Variants in PLA2G5 observed in about 807,000 individuals in gnomAD.
PLA2G5 encodes the protein Ca2+-dependent phospholipase A2.
In PLA2G5, 12 loss-of-function variants were observed where a neutral mutation model predicts 15.9. The observed-to-expected ratio is 0.76, with a 90% confidence interval of 0.48 to 1.23. The LOEUF is 1.23. Ranked by LOEUF, PLA2G5 falls within the 50% of genes most tolerant of loss-of-function variation. The probability of loss-of-function intolerance (pLI) is 0.00; values close to 1 mark genes in which losing one functional copy is unlikely to be tolerated. For synonymous variants in PLA2G5, 71 were observed against 71.4 expected, an observed-to-expected ratio of 0.99 and a Z score of 0.03; for missense variants, 169 against 177.1, an observed-to-expected ratio of 0.95 and a Z score of 0.26.
Position 20,084,816 on chromosome 1 carries a change from T to C in PLA2G5, c.-10-5T>C, listed in dbSNP as rs768722295. The C allele has an allele frequency of 8.7e-6, 14 of 1,603,438 alleles. No homozygotes were observed. The highest frequency in any genetic ancestry group is 2.2e-5 in the South Asian group (2 of 90,822). On this transcript the variant is annotated splice_region_variant and splice_polypyrimidine_tract_variant and intron_variant, in intron 1 of 4. Transcript: ENST00000375108. ...ATCTGTTGTGGGATGTGTTTTTTTT[T>C]CCAGAACCCCAGAGATGAAAGGCCT...
intron 1 of PLA2G5, among the ~76,000 whole-genome samples, chr1:20,074,909 C>T (rs1489079408): frequency 6.6e-6 from 1 of 152,220 alleles, no homozygotes; most frequent in East Asian, 1.9e-4. Context: ...CCCAAGTCAG[C>T]CCCAATTCCC....
At chr1:20,034,779 G>A (rs771975247) in intron 1 of PLA2G5, among the ~76,000 whole-genome samples, 1 of 152,154 alleles carries the variant, frequency 6.6e-6, no homozygotes, top group African/African-American at 2.4e-5. Flanking sequence ...GTGAGGAAAG[G>A]CTGGAGCAGC....
At chr1:20,084,644 C>T (rs1305798972) in intron 1 of PLA2G5, among the ~76,000 whole-genome samples, 177 bp from the exon 2 acceptor site, 1 of 152,092 alleles carries the variant, frequency 6.6e-6, no homozygotes, top group Non-Finnish European at 1.5e-5. Flanking sequence ...GCCTCCAGGG[C>T]CCTCAGTGGA....
chr1:20,062,824 A>G (rs1045059186), intron 2 of PLA2G5, among the ~76,000 whole-genome samples: 7 of 152,132 alleles, frequency 4.6e-5, no homozygotes, highest in Middle Eastern at 3.2e-3. Context: ...TCCAGACACC[A>G]GGTAGTAAGG....
At chr1:20,039,250 T>C (rs1476524757) in intron 1 of PLA2G5, among the ~76,000 whole-genome samples, 1 of 152,178 alleles carries the variant, frequency 6.6e-6, no homozygotes, top group African/African-American at 2.4e-5. Context: ...TTGTTTATCT[T>C]ATAATGAGGG....
At chr1:20,058,392 C>T (rs925995799) in intron 1 of PLA2G5, among the ~76,000 whole-genome samples, 1 of 152,218 alleles carries the variant, frequency 6.6e-6, no homozygotes, top group East Asian at 1.9e-4. Context: ...CTCTTTATTC[C>T]GGATAATTTT....
In PLA2G5 at chr1:20,029,328, C is replaced by T. The variant is rs548791171; in HGVS notation, n.276+619C>T. On this transcript the variant is annotated intron_variant and non_coding_transcript_variant, in intron 1 of 6. Transcript: ENST00000460175. ...GTGCATTCCTCTCAACGTCCAGCCA[C>T]CCGTGTGTTCCTCCCCTGATACGTT... Among the ~76,000 whole-genome samples, 7 of 152,260 alleles carry T rather than the reference C, an allele frequency of 4.6e-5. No individual in the cohort carries two copies. In the East Asian group the frequency reaches 1.4e-3, roughly 29 times the overall value.
rs2016484221 is a variant in PLA2G5, at chr1:20,089,903, TG to T, written c.292+12del. On this transcript the variant is annotated intron_variant, in intron 4 of 4. Transcript: ENST00000375108. ...GGGGCGTGGTCACCTGCGGTAAGGCTGGGGCTTCCCGTTCGGGCCATTGGAA... is the reference window on the plus strand; with the variant it reads ...GGGGCGTGGTCACCTGCGGTAAGGCTGGGCTTCCCGTTCGGGCCATTGGAA... The T allele has an allele frequency of 6.2e-7, 1 of 1,600,906 alleles. No individual in the cohort carries two copies. Among genetic ancestry groups the T allele is most frequent in the East Asian group, 2.2e-5 (1 of 44,646 alleles).
intron 1 of PLA2G5, among the ~76,000 whole-genome samples, chr1:20,056,764 C>G (rs867481964): frequency 1.3e-5 from 2 of 152,138 alleles, no homozygotes; most frequent in Admixed American, 6.5e-5. Context: ...CTGCTTCTAC[C>G]TTCTGGAAGA....
chr1:20,059,112 G>T, intron 1 of PLA2G5, among the ~76,000 whole-genome samples: 1 of 99,262 alleles, frequency 1.0e-5, no homozygotes, highest in African/African-American at 4.2e-5. Context: ...GATAGAGTGA[G>T]ACTGTCTCAA....
At chr1:20,061,320 C>T (rs1028927284) in intron 2 of PLA2G5, among the ~76,000 whole-genome samples, 7 of 152,174 alleles carry the variant, frequency 4.6e-5, no homozygotes, top group African/African-American at 1.7e-4. Flanking sequence ...CATGGTGGCT[C>T]ACACCTCTAA....
Position 20,086,210 on chromosome 1 carries a change from C to T in PLA2G5, c.168C>T (p.Pro56=), listed in dbSNP as rs1308981546. Residue 56 remains proline, a synonymous_variant, in exon 3 of 5, where the codon CCC becomes CCT. Coordinates refer to ENST00000375108, the MANE Select transcript of PLA2G5 (RefSeq NM_000929.3). The part of the protein sequence containing the change: ...CYCGWGGRGT[P]KDGTDWCCWA... ...GCGGCTGGGGCGGCCGAGGAACCCCCAAGGATGGCACCGATTGGTGAGCTG... is the reference window on the plus strand; with the variant it reads ...GCGGCTGGGGCGGCCGAGGAACCCCTAAGGATGGCACCGATTGGTGAGCTG... 6.2e-7 allele frequency: 1 copy of T among 1,614,022 alleles called. No homozygotes were observed. Among genetic ancestry groups the T allele is most frequent in the Non-Finnish European group, 8.5e-7 (1 of 1,180,014 alleles).
chr1:20,037,464 G>A (rs1200368030), intron 1 of PLA2G5, among the ~76,000 whole-genome samples: 1 of 152,226 alleles, frequency 6.6e-6, no homozygotes, highest in African/African-American at 2.4e-5. Flanking sequence ...AGATAGCAAG[G>A]AAGTGAAGAG....
rs571954036 is a variant in PLA2G5, at chr1:20,046,113, A to G, written n.277-13519A>G. 4 of 152,310 alleles carry G rather than the reference A, an allele frequency of 2.6e-5. No homozygotes were observed. In the South Asian group the frequency reaches 6.2e-4, roughly 24 times the overall value. 9.4% of individuals were successfully genotyped at this position (152,310 alleles called of 1,614,324 possible). On this transcript the variant is annotated intron_variant and non_coding_transcript_variant, in intron 1 of 6. Coordinates refer to the PLA2G5 transcript ENST00000460175. Reference sequence around the variant, plus strand: ...CTTCCTGCTTCTAGGATGGTAGAGGACAGTCTTCAGCCTGAGACCCATCCC... The same window carrying G: ...CTTCCTGCTTCTAGGATGGTAGAGGGCAGTCTTCAGCCTGAGACCCATCCC...
In PLA2G5 at chr1:20,084,838, G is replaced by C. The variant is rs776575520; in HGVS notation, c.8G>C (p.Gly3Ala). The C allele has an allele frequency of 1.2e-6, 2 of 1,610,510 alleles. No homozygotes were observed. The highest frequency in any genetic ancestry group is 1.7e-6 in the Non-Finnish European group (2 of 1,176,706). Residue 3 changes from glycine to alanine, a missense_variant, in exon 2 of 5, where the codon GGC (glycine) becomes GCC (alanine). Coordinates refer to ENST00000375108, the MANE Select transcript of PLA2G5 (RefSeq NM_000929.3). ...TTTTCCAGAACCCCAGAGATGAAAG[G>C]CCTCCTCCCACTGGCTTGGTTCCTG... MK[G>A]LLPLAWFLAC...
chr1:20,081,759 A>G (rs926748626), intron 1 of PLA2G5, among the ~76,000 whole-genome samples: 1 of 151,856 alleles, frequency 6.6e-6, no homozygotes, highest in African/African-American at 2.4e-5. Context: ...CAGCATCCTC[A>G]GGTCTTGCCT....
intron 2 of PLA2G5, 47 bp from the exon 3 acceptor site, chr1:20,086,036 G>A (rs771358591): frequency 1.2e-6 from 2 of 1,609,380 alleles, no homozygotes; most frequent in Non-Finnish European, 1.7e-6. Context: ...GCCTAAAGCA[G>A]GGCTGGGCTG....
At chr1:20,090,267 A>G (rs770302010) in intron 4 of PLA2G5, among the ~76,000 whole-genome samples, 18 of 152,148 alleles carry the variant, frequency 1.2e-4, no homozygotes, top group Non-Finnish European at 2.5e-4. Flanking sequence ...GCTCTATGAG[A>G]ATGAGAGTTC....
At chr1:20,030,489 A>G (rs1349276912) in intron 1 of PLA2G5, among the ~76,000 whole-genome samples, 1 of 152,048 alleles carries the variant, frequency 6.6e-6, no homozygotes, top group Non-Finnish European at 1.5e-5. Context: ...CGAGTTTTAC[A>G]CCGAGACATT....
Sources: gnomAD v4.1 joint callset for allele counts (sites outside exome capture counted in the v4.1 genomes callset) on GRCh38, gnomAD v4.1.1 for gene constraint, MANE v1.5 for transcripts, NCBI Gene and HGNC (gene_info 2026-07-23, HGNC 2026-07-21) for gene names.